The following MYH11 variants were observed in gnomAD, a reference collection of about 807,000 sequenced individuals.
MYH11 encodes myosin-11.
A neutral mutation model predicts 246.6 loss-of-function variants in MYH11; 80 were observed. That is an observed-to-expected ratio of 0.32 (90% confidence interval 0.27 to 0.39). The LOEUF (loss-of-function observed/expected upper bound fraction) is 0.39. MYH11 is among the 10% of genes least tolerant of loss of function. The pLI, the probability that MYH11 is intolerant of heterozygous loss-of-function variation, is 1.00. For missense variants in MYH11, 2,158 were observed against 2,546.8 expected, an observed-to-expected ratio of 0.85 and a Z score of 3.29; for synonymous variants, 1,071 against 1,015.5, an observed-to-expected ratio of 1.05 and a Z score of -1.04.
At chr16:15,733,876 C>T (rs1596750835) in intron 26 of MYH11, among the ~76,000 whole-genome samples, 1 of 152,132 alleles carries the variant, frequency 6.6e-6, no homozygotes, top group Non-Finnish European at 1.5e-5. Context: ...AAAGGCCAAG[C>T]GGCAAGGGAG....
intron 3 of MYH11, among the ~76,000 whole-genome samples, chr16:15,811,952 C>T (rs1464527408): frequency 6.6e-6 from 1 of 152,164 alleles, no homozygotes; most frequent in Admixed American, 6.5e-5. Flanking sequence ...CCCTCCTACA[C>T]CCCAGGGACC....
rs2040065875 is a variant in MYH11 at position 15,715,314 on chromosome 16, G to GCACCCCTTGTAGCTGGTGTGT, written c.5505-63_5505-43dup. On this transcript the variant is annotated intron_variant, in intron 38 of 40. Transcript: ENST00000300036. ...AAACAGGTGGTTTCAGCGGAGGGTG[G>GCACCCCTTGTAGCTGGTGTGT]CACCCCTTGTAGCTGGTGTGTCACC... 5 of 1,597,268 alleles carry GCACCCCTTGTAGCTGGTGTGT rather than the reference G, an allele frequency of 3.1e-6. No homozygotes were observed. The East Asian group carries it at 1.1e-4, about 36-fold the overall frequency.
At chr16:15,793,109 A>G (rs1405744307) in intron 4 of MYH11, among the ~76,000 whole-genome samples, 7 of 152,036 alleles carry the variant, frequency 4.6e-5, no homozygotes, top group Non-Finnish European at 4.4e-5. Flanking sequence ...CTCTAATTTT[A>G]TGTGAAACCA....
At chr16:15,838,856 C>CAAAAAA (rs10573476) in intron 1 of MYH11, among the ~76,000 whole-genome samples, 4 of 88,892 alleles carry the variant, frequency 4.5e-5, no homozygotes, top group Non-Finnish European at 6.6e-5. Context: ...GACTCCATCT[C>CAAAAAA]AAAAAAAAAA....
intron 3 of MYH11, among the ~76,000 whole-genome samples, chr16:15,817,709 G>C (rs2043296913): frequency 6.6e-6 from 1 of 152,046 alleles, no homozygotes; most frequent in Non-Finnish European, 1.5e-5. Flanking sequence ...GCAGCAAAGG[G>C]CTGAGCTCTG....
At position 15,760,666 on chromosome 16, in the gene MYH11, G is replaced by A. The variant is rs1214459820; in HGVS notation, c.1130-8C>T. The A allele has an allele frequency of 2.6e-6, 4 of 1,568,606 alleles. No homozygotes were observed. In the Admixed American group the frequency reaches 6.7e-5, roughly 26 times the overall value. On this transcript the variant is annotated splice_region_variant and splice_polypyrimidine_tract_variant and intron_variant, in intron 10 of 40. Coordinates refer to ENST00000300036, the MANE Select transcript of MYH11 (RefSeq NM_002474.3). The stretch of plus-strand genomic sequence containing the variant: ...GGCAAACTTTCTGAGCAGCTGGATG[G>A]AGAAAAGAAACATCGTGAGTGCATC...
In MYH11 at chr16:15,750,021, C is replaced by T. The variant is rs1416786283; in HGVS notation, c.2058+117G>A. 3.2e-6 allele frequency: 4 copies of T among 1,262,460 alleles called. No homozygotes were observed. The highest frequency in any genetic ancestry group is 4.7e-5 in the East Asian group (2 of 42,960). 78.2% of individuals were successfully genotyped at this position (1,262,460 alleles called of 1,614,324 possible). A position where few individuals can be genotyped will look rare whatever the true frequency, so the allele number is the denominator to read the frequency against. Reference sequence around the variant, plus strand: ...GGTCTGAGATTCAGATAGCCTTCCCCACATGGAAAATGGGGTCCTCGGGGT... The same window carrying T: ...GGTCTGAGATTCAGATAGCCTTCCCTACATGGAAAATGGGGTCCTCGGGGT... On this transcript the variant is annotated intron_variant, in intron 16 of 40. Coordinates refer to ENST00000300036, the MANE Select transcript of MYH11 (RefSeq NM_002474.3). The surrounding 1 kb of genome is among the most constrained non-coding windows in gnomAD (Gnocchi z 4.3).
chr16:15,798,827 G>A, intron 3 of MYH11, 140 bp from the exon 4 acceptor site: 1 of 925,760 alleles, frequency 1.1e-6, no homozygotes, highest in South Asian at 1.5e-5. Context: ...AGGTCAGCTG[G>A]GCTCATTGCC....
intron 4 of MYH11, among the ~76,000 whole-genome samples, chr16:15,795,507 A>C: frequency 6.6e-6 from 1 of 152,156 alleles, no homozygotes. Context: ...GCTACTCGGG[A>C]GGCTGAGGCA....
intron 27 of MYH11, among the ~76,000 whole-genome samples, chr16:15,729,757 G>T (rs1424747394): frequency 6.6e-6 from 1 of 151,968 alleles, no homozygotes; most frequent in African/African-American, 2.4e-5. Context: ...TGCCATGTTG[G>T]CCAGACTGGT....
Position 15,720,136 on chromosome 16 carries a change from C to T in MYH11, c.4953+15G>A, listed in dbSNP as rs767255396. 29 of 1,614,016 alleles carry T rather than the reference C, an allele frequency of 1.8e-5. No homozygotes were observed. In the Admixed American group the frequency reaches 4.7e-4, roughly 26 times the overall value. ...CCTCCCTCCACCCATGCCCCAAGCT[C>T]CTAGTGTCACCCACCTGCAGTTTGC... On this transcript the variant is annotated intron_variant, in intron 34 of 40. Transcript: ENST00000300036.
At chr16:15,734,868 T>A (rs928235079) in intron 26 of MYH11, among the ~76,000 whole-genome samples, 8 of 152,098 alleles carry the variant, frequency 5.3e-5, no homozygotes, top group African/African-American at 1.9e-4. Flanking sequence ...TGGTATATAC[T>A]ACTCTTCTGA....
intron 12 of MYH11, among the ~76,000 whole-genome samples, chr16:15,759,280 C>T (rs2041811105): frequency 6.7e-6 from 1 of 150,202 alleles, no homozygotes; most frequent in South Asian, 2.1e-4. Flanking sequence ...GAGGGGAGAG[C>T]CTGCTTGAGA....
intron 27 of MYH11, among the ~76,000 whole-genome samples, chr16:15,727,274 C>T (rs1165996015): frequency 2.0e-5 from 3 of 151,926 alleles, no homozygotes; most frequent in Non-Finnish European, 4.4e-5. Context: ...AATCTTGGCT[C>T]ACTGCAACCT....
intron 12 of MYH11, among the ~76,000 whole-genome samples, chr16:15,758,732 G>T (rs1054585417): frequency 6.6e-6 from 1 of 151,672 alleles, no homozygotes; most frequent in African/African-American, 2.4e-5. Flanking sequence ...CCTGGGAGGC[G>T]GAGGTTGCGG....
chr16:15,731,819 TCA>T, intron 27 of MYH11, among the ~76,000 whole-genome samples: 1 of 151,956 alleles, frequency 6.6e-6, no homozygotes, highest in South Asian at 2.1e-4. Context: ...GATTAAGGTC[TCA>T]CTGTGTCGTC....
intron 3 of MYH11, among the ~76,000 whole-genome samples, chr16:15,818,384 T>G (rs1262421465): frequency 6.6e-6 from 1 of 152,320 alleles, no homozygotes; most frequent in South Asian, 2.1e-4. Context: ...ACGGAATTCT[T>G]CCCAAGCTTA....
intron 1 of MYH11, among the ~76,000 whole-genome samples, chr16:15,844,119 A>G (rs545146782): frequency 6.6e-6 from 1 of 152,254 alleles, no homozygotes; most frequent in East Asian, 1.9e-4. Context: ...GGGGATGGAG[A>G]TGGGGGATGA....
intron 3 of MYH11, among the ~76,000 whole-genome samples, chr16:15,814,135 TCC>T (rs66823162): frequency 0.13 from 18,514 of 148,106 alleles, 1,197 homozygotes; most frequent in East Asian, 0.15. Context: ...GGAAACTCCA[TCC>T]CCCAAAAAAA....
Sources: gnomAD v4.1 joint callset for allele counts (sites outside exome capture counted in the v4.1 genomes callset) on GRCh38, gnomAD v4.1.1 for gene constraint, Gnocchi (gnomAD v3.1) non-coding constraint, MANE v1.5 for transcripts, NCBI Gene and HGNC (gene_info 2026-07-23, HGNC 2026-07-21) for gene names.